BTG4: variants seen among roughly 807,000 people sequenced by gnomAD.
BTG4 encodes BTG anti-proliferation factor 4, also known as protein BTG4.
A neutral mutation model predicts 19.3 loss-of-function variants in BTG4; 10 were observed. The observed-to-expected ratio is 0.52, with a 90% CI of 0.32 to 0.88. The LOEUF (loss-of-function observed/expected upper bound fraction) is 0.88, where lower values mean the gene tolerates loss of function less well. BTG4 is among the 40% of genes least tolerant of loss of function. The pLI, the probability that BTG4 is intolerant of heterozygous loss-of-function variation, is 0.04. For missense variants in BTG4, 238 were observed against 281.9 expected (o/e 0.84, Z 1.11); for synonymous variants, 91 against 95.7 (o/e 0.95, Z 0.29).
At chr11:111,481,574 T>C (rs7108048) in intron 5 of BTG4, among the ~76,000 whole-genome samples, 46,659 of 151,612 alleles carry the variant, frequency 0.31, 7,353 homozygotes, top group Middle Eastern at 0.39. Flanking sequence ...TAAAAACCCT[T>C]GAAATATTAG....
the BTG4 span, among the ~76,000 whole-genome samples, chr11:111,446,987 C>T: frequency 6.6e-6 from 1 of 152,218 alleles, no homozygotes; most frequent in African/African-American, 2.4e-5. Context: ...AATGTAGCTC[C>T]TGGAAGCTAA....
chr11:111,458,993 G>A, the BTG4 span, among the ~76,000 whole-genome samples: 7 of 152,174 alleles, frequency 4.6e-5, no homozygotes, highest in African/African-American at 1.7e-4. Flanking sequence ...TGTAATCCCA[G>A]CACTTTGGGA....
chr11:111,437,767 G>T, the BTG4 span, among the ~76,000 whole-genome samples: 4 of 152,096 alleles, frequency 2.6e-5, no homozygotes, highest in African/African-American at 4.8e-5. Context: ...TCCATCCTGG[G>T]GTCTCTTACT....
At chr11:111,392,521 C>T in the BTG4 span, among the ~76,000 whole-genome samples, 1 of 152,138 alleles carries the variant, frequency 6.6e-6, no homozygotes, top group South Asian at 2.1e-4. Context: ...TCACCATTCC[C>T]AGGGTTTCTG....
the BTG4 span, among the ~76,000 whole-genome samples, chr11:111,431,797 C>T: frequency 7.9e-5 from 12 of 152,224 alleles, no homozygotes; most frequent in Admixed American, 5.2e-4. Context: ...TCTTCCAGCA[C>T]CCAATCAGAG....
chr11:111,448,135 G>C, the BTG4 span, among the ~76,000 whole-genome samples: 1 of 152,250 alleles, frequency 6.6e-6, no homozygotes, highest in East Asian at 1.9e-4. Context: ...GCCCTCCAGA[G>C]TGCCACATGC....
At chr11:111,395,307 C>T in the BTG4 span, among the ~76,000 whole-genome samples, 1 of 152,216 alleles carries the variant, frequency 6.6e-6, no homozygotes, top group Non-Finnish European at 1.5e-5. Context: ...ACTGTCACCT[C>T]CGCAGGCCCC....
the BTG4 span, chr11:111,456,021 C>A: frequency 1.4e-5 from 4 of 282,954 alleles, no homozygotes; most frequent in Non-Finnish European, 2.2e-5. The surrounding 1 kb of genome is among the most constrained non-coding windows in gnomAD (Gnocchi z 4.2). Flanking sequence ...AGAGCGGACA[C>A]CCCAAGGTCG....
chr11:111,407,390 G>A, the BTG4 span, among the ~76,000 whole-genome samples: 1 of 152,156 alleles, frequency 6.6e-6, no homozygotes, highest in Non-Finnish European at 1.5e-5. Flanking sequence ...AGCATAATGG[G>A]CCGGGTGCGG....
At chr11:111,442,380 A>T in the BTG4 span, among the ~76,000 whole-genome samples, 1 of 152,024 alleles carries the variant, frequency 6.6e-6, no homozygotes, top group Non-Finnish European at 1.5e-5. Context: ...GCACAGCTGT[A>T]GTCCCAGCTA....
At chr11:111,444,224 G>A in the BTG4 span, among the ~76,000 whole-genome samples, 2 of 144,972 alleles carry the variant, frequency 1.4e-5, no homozygotes, top group South Asian at 2.4e-4. Context: ...GACAGTGTGT[G>A]TATGTATGTG....
At chr11:111,460,398 T>C in the BTG4 span, 1 of 152,576 alleles carries the variant, frequency 6.6e-6, no homozygotes, top group African/African-American at 2.4e-5. Flanking sequence ...TGTATTCATT[T>C]ATTCATTCAT....
At chr11:111,413,317 C>G in the BTG4 span, among the ~76,000 whole-genome samples, 4 of 152,288 alleles carry the variant, frequency 2.6e-5, no homozygotes, top group African/African-American at 9.6e-5. Context: ...AATTTCAGGC[C>G]CCATCCAGTT....
intron 1 of BTG4, among the ~76,000 whole-genome samples, chr11:111,509,890 T>TTTTTTTCTTTTTTC (rs1336096720): frequency 6.7e-6 from 1 of 149,442 alleles, no homozygotes; most frequent in African/African-American, 2.4e-5. Flanking sequence ...TCTCCATCTT[T>TTTTTTTCTTTTTTC]TTTTTTCTTT....
At chr11:111,438,475 T>C in the BTG4 span, among the ~76,000 whole-genome samples, 1 of 152,172 alleles carries the variant, frequency 6.6e-6, no homozygotes, top group Non-Finnish European at 1.5e-5. Context: ...TTAGCCTCTG[T>C]CCAAAGCCAG....
the BTG4 span, chr11:111,398,194 T>C: frequency 1.3e-5 from 2 of 152,360 alleles, no homozygotes; most frequent in Admixed American, 6.5e-5. Flanking sequence ...AAGTCTGAGA[T>C]AGCTTCAGTA....
chr11:111,395,072 A>T, the BTG4 span, among the ~76,000 whole-genome samples: 26 of 152,368 alleles, frequency 1.7e-4, no homozygotes, highest in Middle Eastern at 3.4e-3. Context: ...AAAATAGTGG[A>T]GAATTTTTTC....
At chr11:111,487,310 G>A (rs1178237027) in intron 5 of BTG4, among the ~76,000 whole-genome samples, 1 of 152,138 alleles carries the variant, frequency 6.6e-6, no homozygotes, top group East Asian at 1.9e-4. Context: ...ATAATAGAAT[G>A]ATTTATATTC....
the BTG4 span, among the ~76,000 whole-genome samples, chr11:111,443,597 A>T: frequency 6.6e-6 from 1 of 152,312 alleles, no homozygotes; most frequent in African/African-American, 2.4e-5. Context: ...AGAGGGAAAA[A>T]AAAGAGAGAC....
Sources: gnomAD v4.1 joint callset for allele counts (sites outside exome capture counted in the v4.1 genomes callset) on GRCh38, gnomAD v4.1.1 for gene constraint, Gnocchi (gnomAD v3.1) non-coding constraint, MANE v1.5 for transcripts, NCBI Gene and HGNC (gene_info 2026-07-23, HGNC 2026-07-21) for gene names.